CSTF3: variants seen among roughly 807,000 people sequenced by gnomAD.
CSTF3 encodes CF-1 77 kDa subunit.
CSTF3 carries 29 observed loss-of-function variants against 105.8 expected under a neutral mutation model. The observed-to-expected ratio is 0.27, with a 90% CI of 0.20 to 0.37. CSTF3 has a LOEUF of 0.37. Among genes scored for constraint, CSTF3 ranks in the 10% least tolerant of loss-of-function variants. The pLI is 1.00. For synonymous variants in CSTF3, 252 were observed against 281.9 expected, an observed-to-expected ratio of 0.89 and a Z score of 1.06; for missense variants, 357 against 879.3, an observed-to-expected ratio of 0.41 and a Z score of 7.51.
intron 1 of CSTF3, chr11:33,144,974 CT>C (rs1192161942): frequency 6.8e-5 from 10 of 146,448 alleles, no homozygotes; most frequent in Middle Eastern, 2.5e-3. Context: ...CAGACCCTGT[CT>C]TTAAAAAAAA....
At position 33,096,378 on chromosome 11, in the gene CSTF3, G is replaced by T. The variant is rs1855223552; in HGVS notation, c.1303C>A (p.Leu435Met). Residue 435 changes from leucine to methionine, a missense_variant, in exon 15 of 21, where the codon CTG becomes ATG. Around this residue, in one of 4 missense-constraint regions of CSTF3, gnomAD observed 206 missense variants for 576.5 expected, o/e 0.36. Transcript: ENST00000323959. The stretch of plus-strand genomic sequence containing the variant: ...ATGTCTCCATATTTTTTTAGCCCCA[G>T]CTCAAAAATCTTAAAGGCAACAGAT... ...DKSVAFKIFELGLKKYGDIPE... is the reference protein window; with the variant it reads ...DKSVAFKIFEMGLKKYGDIPE... 1 of 1,600,366 alleles carries T rather than the reference G, an allele frequency of 6.2e-7. No homozygotes were observed.
intron 3 of CSTF3, among the ~76,000 whole-genome samples, chr11:33,137,418 G>T (rs1250371108): frequency 2.0e-5 from 3 of 151,836 alleles, no homozygotes; most frequent in Non-Finnish European, 4.4e-5. Context: ...CATGTTAGTA[G>T]AAGTGACAGC....
chr11:33,105,904 TA>T lies in CSTF3; in HGVS notation c.436del (p.Tyr146ThrfsTer5). On this transcript the variant is annotated frameshift_variant, in exon 7 of 21. Coordinates refer to ENST00000323959, the MANE Select transcript of CSTF3 (RefSeq NM_001326.3). LOFTEE classifies it high-confidence loss of function. ...EIMSYQIWVD[Y>X]INFLKGVEAV... is the part of the protein sequence containing the mutation. ...TTACACGCCTTTTAGGAAATTGATG[TA>T]ATCCACCCAAATCTAAGAAATAAAA... 6.4e-7 allele frequency: 1 copy of T among 1,573,928 alleles called. No individual in the cohort carries two copies. The highest frequency in any genetic ancestry group is 8.6e-7 in the Non-Finnish European group (1 of 1,159,708).
chr11:33,148,882 GAGAC>G (rs1855821048), intron 1 of CSTF3, among the ~76,000 whole-genome samples: 1 of 124,824 alleles, frequency 8.0e-6, no homozygotes, highest in Non-Finnish European at 1.7e-5. Context: ...TTTTTTTAAA[GAGAC>G]AGGCTCTCTC....
At chr11:33,112,006 C>A (rs1221364507) in intron 3 of CSTF3, among the ~76,000 whole-genome samples, 2 of 152,154 alleles carry the variant, frequency 1.3e-5, no homozygotes, top group Admixed American at 6.5e-5. Flanking sequence ...GTAATCCCAG[C>A]ACTTTGGGAG....
At chr11:33,103,594 C>G (rs950907839) in intron 8 of CSTF3, among the ~76,000 whole-genome samples, 1 of 152,000 alleles carries the variant, frequency 6.6e-6, no homozygotes, top group African/African-American at 2.4e-5. Flanking sequence ...ATGGTGAAAC[C>G]CCGTTTCTAC....
intron 3 of CSTF3, among the ~76,000 whole-genome samples, chr11:33,119,335 TCA>T (rs548857935): frequency 9.7e-4 from 147 of 151,974 alleles, no homozygotes; most frequent in African/African-American, 3.5e-3. Context: ...TCCAATGAAT[TCA>T]CATTTTTTTC....
At chr11:33,127,956 CA>C (rs1855560257) in intron 3 of CSTF3, among the ~76,000 whole-genome samples, 1 of 151,884 alleles carries the variant, frequency 6.6e-6, no homozygotes, top group Admixed American at 6.6e-5. Context: ...AATATTTATC[CA>C]AAAGGGGGGA....
intron 3 of CSTF3, among the ~76,000 whole-genome samples, chr11:33,124,040 T>C (rs1855520139): frequency 6.6e-6 from 1 of 152,102 alleles, no homozygotes; most frequent in Non-Finnish European, 1.5e-5. Context: ...ACCCCCAAAA[T>C]GTTAAAATTT....
chr11:33,097,228 G>A (rs938212443), intron 13 of CSTF3, among the ~76,000 whole-genome samples: 4 of 152,170 alleles, frequency 2.6e-5, no homozygotes, highest in African/African-American at 9.7e-5. Flanking sequence ...ACAAGGTTGT[G>A]CAATCATCAC....
At chr11:33,138,128 G>C (rs191095900) in intron 3 of CSTF3, among the ~76,000 whole-genome samples, 1 of 151,764 alleles carries the variant, frequency 6.6e-6, no homozygotes, top group East Asian at 1.9e-4. Flanking sequence ...TTCTCTATAT[G>C]CTTTTATTAA....
intron 18 of CSTF3, 143 bp from the exon 19 acceptor site, chr11:33,086,132 C>G (rs1304315625): frequency 2.3e-6 from 1 of 437,454 alleles, no homozygotes; most frequent in Non-Finnish European, 3.6e-6. Context: ...TTTACCAAAC[C>G]AAAGTGGGTG....
At position 33,091,832 on chromosome 11, in the gene CSTF3, C is replaced by T. The variant is rs139600803; in HGVS notation, c.1445+439G>A. On this transcript the variant is annotated intron_variant, in intron 16 of 20. Transcript: ENST00000323959. ...CAAGCAGTCCTCCAGCTCCCACCTC[C>T]GCCTCCCAGTATCTGGGACTACAGG... 9.0e-3 allele frequency among the ~76,000 whole-genome samples: 1,369 copies of T among 152,138 alleles called. 5 individuals carry two copies. The highest frequency in any genetic ancestry group is 0.013 in the Non-Finnish European group (882 of 68,002).
chr11:33,134,616 C>A (rs1855633948), intron 3 of CSTF3: 1 of 152,090 alleles, frequency 6.6e-6, no homozygotes, highest in African/African-American at 2.4e-5. Context: ...TTCTAAATAT[C>A]ATTAGTACTT....
chr11:33,150,789 T>C (rs796206597), intron 1 of CSTF3, among the ~76,000 whole-genome samples: 14 of 151,730 alleles, frequency 9.2e-5, no homozygotes, highest in African/African-American at 3.4e-4. Flanking sequence ...CCAGGAGGTG[T>C]TGGTTGCAGT....
chr11:33,152,914 C>T (rs1300016305), intron 1 of CSTF3, among the ~76,000 whole-genome samples: 1 of 151,400 alleles, frequency 6.6e-6, no homozygotes, highest in Non-Finnish European at 1.5e-5. Context: ...GCTGGGATCG[C>T]ACCACTGCAC....
intron 17 of CSTF3, 78 bp downstream of exon 17, chr11:33,090,454 A>T: frequency 1.2e-6 from 1 of 818,306 alleles, no homozygotes; most frequent in Non-Finnish European, 1.8e-6. Context: ...TTCAGAATTT[A>T]GAGTGCAGGT....
chr11:33,094,389 A>G (rs1855198401), intron 15 of CSTF3, among the ~76,000 whole-genome samples: 1 of 152,194 alleles, frequency 6.6e-6, no homozygotes, highest in Non-Finnish European at 1.5e-5. Context: ...GGATTCCCCC[A>G]CAAAAACGTT....
At position 33,085,721 on chromosome 11, in the gene CSTF3, A is replaced by G. The variant is rs1855098599; in HGVS notation, c.1943T>C (p.Ile648Thr). ...GAGCTTCTGTTACTTACTATTTGGT[A>G]TCTTGCATCTTCGGAAAATTTCCAT... Reference protein sequence around the residue: ...ELMEIFRRCKIPNTVEEAVRI... With the variant: ...ELMEIFRRCKTPNTVEEAVRI... Residue 648 changes from isoleucine (I) to threonine (T), a missense_variant, in exon 20 of 21, where the codon ATA becomes ACA. Ile to Thr is a moderately conservative substitution (Grantham distance 89). This residue lies in a region of CSTF3 where 73 missense variants were observed against 105.8 expected (regional missense o/e 0.69). Coordinates refer to ENST00000323959, the MANE Select transcript of CSTF3 (RefSeq NM_001326.3). 5 of 1,611,830 alleles carry G rather than the reference A, an allele frequency of 3.1e-6. No homozygotes were observed. The highest frequency in any genetic ancestry group is 4.2e-6 in the Non-Finnish European group (5 of 1,178,174).
Sources: allele counts gnomAD v4.1 joint callset (sites outside exome capture counted in the v4.1 genomes callset), GRCh38; gene constraint gnomAD v4.1.1; regional missense constraint gnomAD v4.1.1; transcripts MANE v1.5; gene names NCBI Gene and HGNC (gene_info 2026-07-23, HGNC 2026-07-21).